Variants in CPPED1 observed in about 807,000 individuals in gnomAD.
The protein encoded by CPPED1 is serine/threonine-protein phosphatase CPPED1.
In CPPED1, 28 loss-of-function variants were observed where a neutral mutation model predicts 28.0. That is an observed-to-expected ratio of 1.00 (90% CI 0.74 to 1.37). The LOEUF is 1.37. CPPED1 is among the 40% of genes most tolerant of loss of function. The pLI is 0.00. For synonymous variants in CPPED1, 198 were observed against 180.2 expected (o/e 1.10, Z -0.79); for missense variants, 504 against 416.5 (o/e 1.21, Z -1.83).
intron 2 of CPPED1, among the ~76,000 whole-genome samples, chr16:12,727,406 G>A (rs964489622): frequency 6.6e-6 from 1 of 152,178 alleles, no homozygotes; most frequent in East Asian, 1.9e-4. Context: ...AGGCTGGAGT[G>A]CAGTGGCATG....
intron 2 of CPPED1, among the ~76,000 whole-genome samples, chr16:12,774,710 G>T (rs2080487722): frequency 6.6e-6 from 1 of 152,198 alleles, no homozygotes; most frequent in Non-Finnish European, 1.5e-5. Context: ...GCTGGATCGT[G>T]AGGGCCATGC....
intron 2 of CPPED1, among the ~76,000 whole-genome samples, chr16:12,728,380 G>T (rs1385883816): frequency 6.6e-6 from 1 of 152,022 alleles, no homozygotes; most frequent in Admixed American, 6.6e-5. Context: ...TGAATTCGTA[G>T]ATTTAGGATA....
intron 2 of CPPED1, among the ~76,000 whole-genome samples, chr16:12,712,816 G>A (rs1239695378): frequency 6.6e-6 from 1 of 152,162 alleles, no homozygotes; most frequent in East Asian, 1.9e-4. Context: ...ACTGTTAATA[G>A]TACCTGTCTG....
intron 2 of CPPED1, among the ~76,000 whole-genome samples, chr16:12,779,392 T>TC (rs1171908098): frequency 6.6e-6 from 1 of 151,406 alleles, no homozygotes; most frequent in African/African-American, 2.4e-5. Flanking sequence ...CTAATTTTTT[T>TC]TTTTTCTTTT....
At chr16:12,666,432 G>A (rs1200884780) in intron 3 of CPPED1, among the ~76,000 whole-genome samples, 3 of 152,226 alleles carry the variant, frequency 2.0e-5, no homozygotes, top group Non-Finnish European at 4.4e-5. Context: ...GGGCTGTTGT[G>A]GGTGCCTCCG....
chr16:12,738,694 G>C (rs1385920312), intron 2 of CPPED1, among the ~76,000 whole-genome samples: 3 of 152,074 alleles, frequency 2.0e-5, no homozygotes. Flanking sequence ...TATGGGTATG[G>C]ACTAACCTCT....
chr16:12,744,908 G>A (rs1244733951), intron 2 of CPPED1, among the ~76,000 whole-genome samples: 1 of 152,148 alleles, frequency 6.6e-6, no homozygotes, highest in Non-Finnish European at 1.5e-5. Flanking sequence ...GATGACTTGA[G>A]CCCAGGAGGT....
chr16:12,680,524 G>C (rs1022657175), intron 3 of CPPED1, among the ~76,000 whole-genome samples: 5 of 152,092 alleles, frequency 3.3e-5, no homozygotes, highest in Admixed American at 6.5e-5. Context: ...CACATGCATG[G>C]GGACACACAT....
At chr16:12,678,136 A>G (rs2079887110) in intron 3 of CPPED1, among the ~76,000 whole-genome samples, 1 of 152,236 alleles carries the variant, frequency 6.6e-6, no homozygotes, top group South Asian at 2.1e-4. Context: ...TCAAAAATAA[A>G]AATCAAAAAA....
At chr16:12,778,258 CTTTTTTCTTTCTTTCTTTCT>C (rs1260100362) in intron 2 of CPPED1, among the ~76,000 whole-genome samples, 2 of 145,464 alleles carry the variant, frequency 1.4e-5, no homozygotes, top group African/African-American at 5.1e-5. Flanking sequence ...ATTTTCTTTT[CTTTTTTCTTTCTTTCTTTCT>C]TTTTTTTTTT....
At chr16:12,722,615 A>G (rs1277509600) in intron 2 of CPPED1, among the ~76,000 whole-genome samples, 1 of 152,140 alleles carries the variant, frequency 6.6e-6, no homozygotes, top group Non-Finnish European at 1.5e-5. Flanking sequence ...GTGCACCTGT[A>G]GTCCCAGCGT....
intron 2 of CPPED1, among the ~76,000 whole-genome samples, chr16:12,714,709 C>T (rs973064373): frequency 6.6e-6 from 1 of 152,148 alleles, no homozygotes; most frequent in Non-Finnish European, 1.5e-5. Context: ...TTATCAGATA[C>T]AGGATTTGCA....
At chr16:12,684,998 C>G (rs906033155) in intron 3 of CPPED1, among the ~76,000 whole-genome samples, 5 of 152,194 alleles carry the variant, frequency 3.3e-5, no homozygotes, top group African/African-American at 1.2e-4. Flanking sequence ...AAAAGAACTG[C>G]CATGTTCCTT....
At position 12,682,777 on chromosome 16, in the gene CPPED1, A is replaced by G. The variant is rs2079912396; in HGVS notation, c.716-17662T>C. On this transcript the variant is annotated intron_variant, in intron 3 of 3. Transcript: ENST00000381774. This position sits in a 1 kb window ranked among gnomAD's most constrained non-coding sequence, Gnocchi z 6.1. ...AGAAGATCTTTTTCTTTTCATTTGC[A>G]CAAATTACATCTTTCTCACTATTCA... Among the ~76,000 whole-genome samples the G allele has an allele frequency of 6.6e-6, 1 of 152,068 alleles. No homozygotes were observed. The highest frequency in any genetic ancestry group is 2.4e-5 in the African/African-American group (1 of 41,434).
intron 2 of CPPED1, among the ~76,000 whole-genome samples, chr16:12,779,826 G>T (rs111896509): frequency 2.6e-5 from 4 of 152,150 alleles, no homozygotes; most frequent in Non-Finnish European, 5.9e-5. Flanking sequence ...TCAGAGCCTC[G>T]GTTTACAAGG....
intron 2 of CPPED1, among the ~76,000 whole-genome samples, chr16:12,733,606 A>T (rs1335635445): frequency 3.3e-5 from 5 of 152,200 alleles, no homozygotes; most frequent in African/African-American, 1.2e-4. Context: ...CACTGGAAAG[A>T]CACGGGGAAG....
chr16:12,749,663 C>G (rs1469006730), intron 2 of CPPED1, among the ~76,000 whole-genome samples: 1 of 152,194 alleles, frequency 6.6e-6, no homozygotes, highest in Non-Finnish European at 1.5e-5. Context: ...AATCTCAGCT[C>G]ACTGCAACCT....
intron 1 of CPPED1, among the ~76,000 whole-genome samples, chr16:12,799,642 A>G (rs1431740584): frequency 2.6e-5 from 4 of 152,174 alleles, no homozygotes; most frequent in Non-Finnish European, 5.9e-5. Context: ...CTCTAAGGGC[A>G]CCTCTCCAAG....
intron 2 of CPPED1, among the ~76,000 whole-genome samples, chr16:12,776,152 T>C (rs547063169): frequency 6.6e-6 from 1 of 152,054 alleles, no homozygotes; most frequent in South Asian, 2.1e-4. Flanking sequence ...AGTAACAGAA[T>C]ATGAGAGGGT....
Sources: allele counts gnomAD v4.1 joint callset (sites outside exome capture counted in the v4.1 genomes callset), GRCh38; gene constraint gnomAD v4.1.1; non-coding constraint Gnocchi (gnomAD v3.1); transcripts MANE v1.5; gene names NCBI Gene and HGNC (gene_info 2026-07-23, HGNC 2026-07-21).